The following CCSER1 variants were observed in gnomAD, a reference collection of about 807,000 sequenced individuals.
The protein encoded by CCSER1 is coiled-coil serine rich protein 1.
In CCSER1, 41 loss-of-function variants were observed where a neutral mutation model predicts 82.0. That is an observed-to-expected ratio of 0.50 (90% CI 0.39 to 0.65). The LOEUF (loss-of-function observed/expected upper bound fraction) is 0.65. Among genes scored for constraint, CCSER1 ranks in the 30% least tolerant of loss-of-function variants. CCSER1 has a pLI of 0.00. For synonymous variants in CCSER1, 414 were observed against 383.9 expected (o/e 1.08, Z -0.92); for missense variants, 1,119 against 1,064.2 (o/e 1.05, Z -0.72).
intron 6 of CCSER1, among the ~76,000 whole-genome samples, chr4:90,689,149 A>T (rs1332362831): frequency 6.6e-6 from 1 of 152,156 alleles, no homozygotes; most frequent in Non-Finnish European, 1.5e-5. Context: ...CTGATGATTT[A>T]TGAGTTCAAA....
intron 10 of CCSER1, among the ~76,000 whole-genome samples, chr4:91,109,074 T>C (rs1725873964): frequency 6.6e-6 from 1 of 152,156 alleles, no homozygotes; most frequent in Non-Finnish European, 1.5e-5. Flanking sequence ...CTCTGGCCCT[T>C]GGACTCTGAC....
intron 5 of CCSER1, among the ~76,000 whole-genome samples, chr4:90,595,860 G>A (rs1169172632): frequency 6.6e-6 from 1 of 151,932 alleles, no homozygotes; most frequent in Non-Finnish European, 1.5e-5. Context: ...TTGTTGGGCA[G>A]AACATATCTT....
At chr4:90,869,749 C>T (rs1372070574) in intron 8 of CCSER1, among the ~76,000 whole-genome samples, 8 of 151,074 alleles carry the variant, frequency 5.3e-5, no homozygotes, top group Non-Finnish European at 1.2e-4. Flanking sequence ...GGAAGGTCAT[C>T]GGTATTTTGC....
chr4:91,513,552 T>C (rs1165468251), intron 10 of CCSER1, among the ~76,000 whole-genome samples: 3 of 152,218 alleles, frequency 2.0e-5, no homozygotes, highest in Non-Finnish European at 4.4e-5. Flanking sequence ...AGCTCTTATT[T>C]GGACTTCTGG....
chr4:90,741,634 T>A (rs891332309), intron 7 of CCSER1, among the ~76,000 whole-genome samples: 3 of 152,254 alleles, frequency 2.0e-5, no homozygotes, highest in African/African-American at 7.2e-5. Context: ...CTTAGTATTA[T>A]CATTTCATAT....
intron 8 of CCSER1, among the ~76,000 whole-genome samples, chr4:90,842,258 T>C (rs1173494243): frequency 6.6e-6 from 1 of 152,236 alleles, no homozygotes; most frequent in African/African-American, 2.4e-5. Context: ...AATAATCTCA[T>C]TAAAATTCTT....
intron 10 of CCSER1, among the ~76,000 whole-genome samples, chr4:91,273,636 T>G (rs1019332930): frequency 3.9e-5 from 6 of 152,164 alleles, no homozygotes; most frequent in African/African-American, 1.4e-4. Flanking sequence ...GGACTTCCAG[T>G]ACTGTATTGA....
At chr4:91,475,184 T>C (rs1265995487) in intron 10 of CCSER1, among the ~76,000 whole-genome samples, 1 of 150,970 alleles carries the variant, frequency 6.6e-6, no homozygotes, top group Non-Finnish European at 1.5e-5. Flanking sequence ...TGTGTGTGTG[T>C]TTGTGTGTGT....
intron 10 of CCSER1, among the ~76,000 whole-genome samples, chr4:91,260,990 C>G (rs1395217614): frequency 1.3e-5 from 2 of 152,260 alleles, no homozygotes; most frequent in East Asian, 1.9e-4. Context: ...GTCTCGATCT[C>G]CTGACCTGGT....
At chr4:91,258,435 T>G (rs2149161390) in intron 10 of CCSER1, among the ~76,000 whole-genome samples, 1 of 152,168 alleles carries the variant, frequency 6.6e-6, no homozygotes, top group South Asian at 2.1e-4. Context: ...CTTCCTGCAT[T>G]AAGCAAACTC....
chr4:91,008,624 G>A (rs62309831), intron 9 of CCSER1, among the ~76,000 whole-genome samples: 51,539 of 152,010 alleles, frequency 0.34, 9,024 homozygotes, highest in Non-Finnish European at 0.37. Flanking sequence ...TGGAGGCATC[G>A]TATAGTTTGA....
At chr4:90,217,107 A>G (rs1012972547) in intron 1 of CCSER1, among the ~76,000 whole-genome samples, 1 of 152,144 alleles carries the variant, frequency 6.6e-6, no homozygotes, top group African/African-American at 2.4e-5. Flanking sequence ...TAGCAGTGCT[A>G]CTAATTTTCG....
At chr4:91,183,098 G>C (rs776700409) in intron 10 of CCSER1, among the ~76,000 whole-genome samples, 3 of 152,228 alleles carry the variant, frequency 2.0e-5, no homozygotes, top group Admixed American at 6.5e-5. Flanking sequence ...CCTAATGTGA[G>C]TGATGTAAAA....
At chr4:91,317,470 T>C (rs2149260647) in intron 10 of CCSER1, among the ~76,000 whole-genome samples, 1 of 152,068 alleles carries the variant, frequency 6.6e-6, no homozygotes, top group Admixed American at 6.6e-5. Flanking sequence ...CCACTCTTCA[T>C]ATATTATGGA....
chr4:90,309,664 ATTCAGTT>A, intron 2 of CCSER1, 56 bp downstream of exon 2: 1 of 1,340,412 alleles, frequency 7.5e-7, no homozygotes, highest in Non-Finnish European at 1.0e-6. Flanking sequence ...ATTATACTTT[ATTCAGTT>A]TTCTTATTCC....
intron 10 of CCSER1, among the ~76,000 whole-genome samples, chr4:91,309,864 G>T (rs1396214216): frequency 6.6e-6 from 1 of 151,908 alleles, no homozygotes; most frequent in Admixed American, 6.6e-5. Context: ...ATAACAGAGG[G>T]CCACAAACTG....
chr4:90,567,615 T>A (rs1277200170), intron 5 of CCSER1, among the ~76,000 whole-genome samples: 1 of 149,174 alleles, frequency 6.7e-6, no homozygotes, highest in African/African-American at 2.5e-5. Flanking sequence ...AATGATTTTT[T>A]TTTTTTTTTT....
At chr4:91,033,329 G>T (rs1291744886) in intron 9 of CCSER1, among the ~76,000 whole-genome samples, 1 of 152,112 alleles carries the variant, frequency 6.6e-6, no homozygotes, top group Non-Finnish European at 1.5e-5. Flanking sequence ...AAAGGAGCTG[G>T]AATTTTCTTA....
intron 10 of CCSER1, among the ~76,000 whole-genome samples, chr4:91,520,486 T>C (rs1465394076): frequency 6.6e-6 from 1 of 152,202 alleles, no homozygotes; most frequent in East Asian, 1.9e-4. Flanking sequence ...TATCACAATC[T>C]ATCAACTTGG....
Sources: gnomAD v4.1 joint callset for allele counts (sites outside exome capture counted in the v4.1 genomes callset) on GRCh38, gnomAD v4.1.1 for gene constraint, MANE v1.5 for transcripts, NCBI Gene and HGNC (gene_info 2026-07-23, HGNC 2026-07-21) for gene names.